The following COL4A6 variants were observed in gnomAD, a reference collection of about 807,000 sequenced individuals.
COL4A6 encodes the protein collagen type IV alpha 6 chain.
COL4A6 carries 59 observed loss-of-function variants against 126.7 expected under a neutral mutation model. The observed-to-expected ratio is 0.47, with a 90% CI of 0.38 to 0.58. The LOEUF is 0.58. Among genes scored for constraint, COL4A6 ranks in the 20% least tolerant of loss-of-function variants. COL4A6 has a pLI of 0.00. For missense variants in COL4A6, 1,285 were observed against 1,337.3 expected (o/e 0.96, Z 0.61); for synonymous variants, 547 against 496.6 (o/e 1.10, Z -1.35).
At chrX:108,165,808 C>T (rs932980001) in intron 37 of COL4A6, among the ~76,000 whole-genome samples, 1 of 112,557 alleles carries the variant, frequency 8.9e-6, no homozygotes, top group African/African-American at 3.2e-5. Flanking sequence ...TGACTGAGCA[C>T]CTGGACTTTT....
chrX:108,401,169 A>G (rs1003672425), intron 2 of COL4A6, among the ~76,000 whole-genome samples: 1 of 111,341 alleles, frequency 9.0e-6, no homozygotes, highest in Non-Finnish European at 1.9e-5. Context: ...ATATATTTAG[A>G]TATGTGTCTG....
chrX:108,385,553 G>GA (rs2040667156), intron 2 of COL4A6, among the ~76,000 whole-genome samples: 1 of 111,005 alleles, frequency 9.0e-6, no homozygotes, highest in Admixed American at 9.5e-5. Flanking sequence ...TGAAAAATAA[G>GA]AATAAAACTG....
intron 9 of COL4A6, 195 bp downstream of exon 9, chrX:108,206,323 G>A: frequency 1.8e-6 from 1 of 546,764 alleles, no homozygotes. Context: ...CAGATTGGAT[G>A]GTCAGATAGA....
intron 2 of COL4A6, among the ~76,000 whole-genome samples, chrX:108,358,989 C>G (rs2040021903): frequency 9.0e-6 from 1 of 111,664 alleles, no homozygotes; most frequent in South Asian, 3.8e-4. Flanking sequence ...GGGACCGGAT[C>G]TGCACTAGAG....
chrX:108,200,452 T>C (rs1261088209), intron 13 of COL4A6, among the ~76,000 whole-genome samples: 1 of 112,429 alleles, frequency 8.9e-6, no homozygotes, highest in African/African-American at 3.2e-5. Context: ...GACAGCCTTA[T>C]ATTTTGTAAA....
intron 18 of COL4A6, 109 bp from the exon 19 acceptor site, chrX:108,191,642 C>G (rs976687558): frequency 3.2e-6 from 3 of 935,569 alleles, no homozygotes; most frequent in Admixed American, 6.0e-5. Context: ...TTTAGGGAAG[C>G]ATTTGCCCTT....
intron 2 of COL4A6, among the ~76,000 whole-genome samples, chrX:108,341,038 G>A (rs938821887): frequency 9.9e-5 from 11 of 111,105 alleles, no homozygotes; most frequent in African/African-American, 3.6e-4. Flanking sequence ...CAGACAGAAT[G>A]GGCAATAGCT....
At position 108,196,584 on chromosome X, in the gene COL4A6, A is replaced by T. The variant is rs763919627; in HGVS notation, c.835-5T>A. ...TTCTCCAGTAGTTCCAAGGCCCTAAATGAAAAAAGAAACCACAAGTTATAA... is the reference window on the plus strand; with the variant it reads ...TTCTCCAGTAGTTCCAAGGCCCTAATTGAAAAAAGAAACCACAAGTTATAA... On this transcript the variant is annotated splice_region_variant and splice_polypyrimidine_tract_variant and intron_variant, in intron 13 of 44. Transcript: ENST00000334504. 1.7e-6 allele frequency: 2 copies of T among 1,182,060 alleles called. No individual in the cohort carries two copies. Among genetic ancestry groups the T allele is most frequent in the African/African-American group, 3.5e-5 (2 of 56,375 alleles).
intron 12 of COL4A6, among the ~76,000 whole-genome samples, chrX:108,203,663 G>T (rs2035456159): frequency 8.9e-6 from 1 of 112,694 alleles, no homozygotes; most frequent in African/African-American, 3.2e-5. Context: ...GGCAGGAAAT[G>T]CAAGTTACTG....
In COL4A6 at chrX:108,205,444, C is replaced by A. The variant is rs1336122397; in HGVS notation, c.682G>T (p.Val228Phe). 1 of 1,197,993 alleles carries A rather than the reference C, an allele frequency of 8.3e-7. No individual in the cohort carries two copies. Among genetic ancestry groups the A allele is most frequent in the African/African-American group, 1.8e-5 (1 of 56,835 alleles). ...MGLGFQGEKG[V>F]KGDVGLPGPA... ...ATTTTTTAAAAGCTGTTTACCTTGA[C>A]TCCTTTCTCTCCTTGAAAACCTAGC... The change falls in exon 11 of 45, where the codon GTC (valine) becomes TTC (phenylalanine). Residue 228 changes from valine to phenylalanine, a missense_variant. Physicochemically the swap from Val to Phe is conservative, Grantham distance 50 (BLOSUM62 -1). Coordinates refer to ENST00000334504, the MANE Select transcript of COL4A6 (RefSeq NM_033641.4).
At chrX:108,225,100 G>GGCATGGAC (rs2148275945) in intron 3 of COL4A6, among the ~76,000 whole-genome samples, 1 of 110,999 alleles carries the variant, frequency 9.0e-6, no homozygotes, top group East Asian at 2.9e-4. Flanking sequence ...TTTAGGTCAC[G>GGCATGGAC]TAGCTAGTAG....
chrX:108,303,141 C>CA (rs1441728684), intron 3 of COL4A6, among the ~76,000 whole-genome samples: 1 of 109,792 alleles, frequency 9.1e-6, no homozygotes, highest in Non-Finnish European at 1.9e-5. Context: ...TGATAAATGA[C>CA]AAAAAATAGA....
chrX:108,193,718 A>C (rs1382264992), intron 16 of COL4A6, 21 bp from the exon 17 acceptor site: 1 of 1,148,630 alleles, frequency 8.7e-7, no homozygotes. Flanking sequence ...TAAGTACATT[A>C]AACACAAATA....
chrX:108,430,054 T>C (rs1476855074), intron 2 of COL4A6, among the ~76,000 whole-genome samples: 1 of 111,508 alleles, frequency 9.0e-6, no homozygotes. Flanking sequence ...TACCACCACA[T>C]GGATGTGCTA....
chrX:108,221,270 A>G lies in COL4A6; in HGVS notation c.249T>C (p.Leu83=). The part of the protein sequence containing the change: ...GLKGERGFPG[L]LGPYGPKGDK... ...CTCCTTTTGGTCCATAAGGTCCCAG[A>G]AGGCCTGGGAAACCCCTTTCTCCTT... is the stretch of plus-strand genomic sequence containing the variant. Residue 83 remains leucine, a synonymous_variant, in exon 4 of 45, where the codon CTT becomes CTC. Coordinates refer to ENST00000334504, the MANE Select transcript of COL4A6 (RefSeq NM_033641.4). 8.3e-7 allele frequency: 1 copy of G among 1,211,355 alleles called. No individual in the cohort carries two copies. Among genetic ancestry groups the G allele is most frequent in the Non-Finnish European group, 1.1e-6 (1 of 895,036 alleles).
At position 108,160,445 on chromosome X, in the gene COL4A6, G is replaced by C. The variant is rs1200931125; in HGVS notation, c.4525+18C>G. ...TGGGGACAGGTGACCAGGGCTGGCT[G>C]TCAGAGCTGGTACCTACCCAGGTCC... On this transcript the variant is annotated intron_variant, in intron 43 of 44. Coordinates refer to ENST00000334504, the MANE Select transcript of COL4A6 (RefSeq NM_033641.4). 8.5e-7 allele frequency: 1 copy of C among 1,176,639 alleles called. No individual in the cohort carries two copies. The highest frequency in any genetic ancestry group is 1.1e-6 in the Non-Finnish European group (1 of 876,729).
At chrX:108,299,105 T>C (rs750309253) in intron 3 of COL4A6, among the ~76,000 whole-genome samples, 15 of 111,087 alleles carry the variant, frequency 1.4e-4, no homozygotes, top group Non-Finnish European at 2.6e-4. Context: ...TGTGGTACCT[T>C]TGTGGTTCCT....
At chrX:108,361,791 T>C (rs2040090651) in intron 2 of COL4A6, among the ~76,000 whole-genome samples, 2 of 111,139 alleles carry the variant, frequency 1.8e-5, no homozygotes, top group South Asian at 7.6e-4. Flanking sequence ...ATAAAAGGAG[T>C]CATAAATACC....
chrX:108,421,657 C>G (rs2063983459), intron 2 of COL4A6, among the ~76,000 whole-genome samples: 1 of 112,049 alleles, frequency 8.9e-6, no homozygotes, highest in Admixed American at 9.5e-5. Flanking sequence ...CCATGTAAAT[C>G]TCATTAAAGC....
Sources: allele counts gnomAD v4.1 joint callset (sites outside exome capture counted in the v4.1 genomes callset), GRCh38; gene constraint gnomAD v4.1.1; transcripts MANE v1.5; gene names NCBI Gene and HGNC (gene_info 2026-07-23, HGNC 2026-07-21).